Variants in ZFHX3 observed in about 807,000 individuals in gnomAD.
ZFHX3 encodes the protein zinc finger homeobox protein 3.
ZFHX3 carries 42 observed loss-of-function variants against 279.1 expected under a neutral mutation model. The observed-to-expected ratio is 0.15, with a 90% confidence interval of 0.12 to 0.19. The LOEUF is 0.19. Ranked by LOEUF, ZFHX3 falls within the 10% of genes least tolerant of loss-of-function variation. The pLI, the probability that ZFHX3 is intolerant of heterozygous loss-of-function variation, is 1.00. For synonymous variants in ZFHX3, 2,293 were observed against 1,957.8 expected, an observed-to-expected ratio of 1.17 and a Z score of -4.52; for missense variants, 4,981 against 4,754.0, an observed-to-expected ratio of 1.05 and a Z score of -1.40.
chr16:73,679,194 C>T (rs924582862), intron 2 of ZFHX3, among the ~76,000 whole-genome samples: 2 of 151,930 alleles, frequency 1.3e-5, no homozygotes, highest in African/African-American at 4.8e-5. Flanking sequence ...TGATACCAAG[C>T]ATCTAGTCTA....
chr16:73,473,339 C>CAAAAAAAAAAAAAAA (rs11347779), intron 2 of ZFHX3, among the ~76,000 whole-genome samples: 438 of 76,606 alleles, frequency 5.7e-3, no homozygotes, highest in African/African-American at 7.0e-3. Flanking sequence ...TGTCTCAAAG[C>CAAAAAAAAAAAAAAA]AAAAAAAAAA....
chr16:73,849,243 T>C (rs149256939), intron 1 of ZFHX3, among the ~76,000 whole-genome samples: 112 of 152,364 alleles, frequency 7.4e-4, no homozygotes, highest in African/African-American at 2.4e-3. Context: ...GCTTTTTATA[T>C]GAACTTCTGC....
intron 1 of ZFHX3, among the ~76,000 whole-genome samples, chr16:73,789,062 T>C (rs1959746655): frequency 1.3e-5 from 2 of 150,644 alleles, no homozygotes; most frequent in African/African-American, 2.4e-5. Flanking sequence ...ATATCTTATA[T>C]ATATCATATA....
intron 1 of ZFHX3, among the ~76,000 whole-genome samples, chr16:73,764,625 G>A (rs1479573726): frequency 6.6e-6 from 1 of 152,180 alleles, no homozygotes; most frequent in Admixed American, 6.5e-5. Context: ...GAAGGAAGGA[G>A]AGCTCTCTAT....
At chr16:73,043,525 AG>A (rs1216170810) in intron 1 of ZFHX3, among the ~76,000 whole-genome samples, 1 of 152,224 alleles carries the variant, frequency 6.6e-6, no homozygotes, top group Non-Finnish European at 1.5e-5. Flanking sequence ...CGTCAAAGAA[AG>A]AAAAAATCCC....
At chr16:73,365,565 GTGCAGC>G (rs1378091421) in intron 3 of ZFHX3, among the ~76,000 whole-genome samples, 7 of 152,148 alleles carry the variant, frequency 4.6e-5, no homozygotes, top group Non-Finnish European at 1.0e-4. Flanking sequence ...TTAGTAAATG[GTGCAGC>G]TGAGACTTGG....
intron 3 of ZFHX3, among the ~76,000 whole-genome samples, chr16:73,348,393 C>T (rs1327742230): frequency 6.6e-6 from 1 of 152,178 alleles, no homozygotes; most frequent in Non-Finnish European, 1.5e-5. Flanking sequence ...TGGGGTGGGT[C>T]ATTTGTCCTC....
intron 1 of ZFHX3, among the ~76,000 whole-genome samples, chr16:73,028,869 C>A (rs1964601820): frequency 6.6e-6 from 1 of 152,204 alleles, no homozygotes; most frequent in Non-Finnish European, 1.5e-5. Context: ...ACCTTTTCGG[C>A]AACAACAACA....
chr16:73,134,617 G>A (rs1362092236), intron 6 of ZFHX3: 2 of 151,850 alleles, frequency 1.3e-5, no homozygotes, highest in African/African-American at 4.8e-5. Context: ...TTACAGGTAT[G>A]CCCCACTGCA....
chr16:73,613,438 C>CT (rs5817854), intron 2 of ZFHX3, among the ~76,000 whole-genome samples: 87,474 of 149,054 alleles, frequency 0.59, 27,733 homozygotes, highest in East Asian at 0.8. Flanking sequence ...TTAGCTTTTG[C>CT]TTTTTTTGTT....
At chr16:73,318,377 T>G (rs1172194036) in intron 3 of ZFHX3, 1 of 152,112 alleles carries the variant, frequency 6.6e-6, no homozygotes, top group Admixed American at 6.6e-5. Flanking sequence ...ACCTTTAATC[T>G]CACGACACAG....
At chr16:73,776,242 T>C (rs542786373) in intron 1 of ZFHX3, among the ~76,000 whole-genome samples, 1 of 152,274 alleles carries the variant, frequency 6.6e-6, no homozygotes, top group South Asian at 2.1e-4. Context: ...AGCATGTCTA[T>C]GACTGAAGTG....
At chr16:73,417,743 C>A (rs867179268) in intron 3 of ZFHX3, among the ~76,000 whole-genome samples, 3 of 151,306 alleles carry the variant, frequency 2.0e-5, no homozygotes, top group Non-Finnish European at 4.4e-5. Flanking sequence ...GAGGCTGAAG[C>A]GGGTGGATCA....
intron 3 of ZFHX3, among the ~76,000 whole-genome samples, chr16:73,329,763 AG>A (rs2015764831): frequency 6.6e-6 from 1 of 152,246 alleles, no homozygotes; most frequent in Admixed American, 6.5e-5. Context: ...GTAGGCACCA[AG>A]GAACAAAGGC....
intron 1 of ZFHX3, among the ~76,000 whole-genome samples, chr16:73,685,427 G>A (rs1211042760): frequency 6.6e-6 from 1 of 152,228 alleles, no homozygotes; most frequent in Non-Finnish European, 1.5e-5. Context: ...AGCAGGCCAT[G>A]AGCCAAGGAA....
chr16:73,888,634 G>T (rs1232148245), intron 1 of ZFHX3, among the ~76,000 whole-genome samples: 1 of 152,180 alleles, frequency 6.6e-6, no homozygotes, highest in Non-Finnish European at 1.5e-5. Flanking sequence ...AGGAACTGGA[G>T]GAGGGAAAAG....
chr16:73,292,022 T>C (rs1294326680), intron 4 of ZFHX3, among the ~76,000 whole-genome samples: 5 of 152,188 alleles, frequency 3.3e-5, no homozygotes, highest in African/African-American at 1.2e-4. Flanking sequence ...CTGAAGTTTC[T>C]AAGTATTGAT....
At chr16:73,572,559 A>G (rs896046625) in intron 2 of ZFHX3, among the ~76,000 whole-genome samples, 2 of 152,206 alleles carry the variant, frequency 1.3e-5, no homozygotes. Flanking sequence ...CCGTAGGTCT[A>G]ATGTTGCTTG....
intron 2 of ZFHX3, among the ~76,000 whole-genome samples, chr16:73,674,490 G>A (rs72801494): frequency 0.038 from 5,810 of 152,302 alleles, 143 homozygotes; most frequent in Non-Finnish European, 0.056. Flanking sequence ...ACACAGTCAA[G>A]AATAGACAAC....
Sources: gnomAD v4.1 joint callset for allele counts (sites outside exome capture counted in the v4.1 genomes callset) on GRCh38, gnomAD v4.1.1 for gene constraint, MANE v1.5 for transcripts, NCBI Gene and HGNC (gene_info 2026-07-23, HGNC 2026-07-21) for gene names.